Variants in STX11 observed in about 807,000 individuals in gnomAD.
STX11 encodes the protein syntaxin 11.
Under a neutral mutation model 19.9 loss-of-function variants are expected in STX11, and 21 were observed. The observed-to-expected ratio is 1.06, with a 90% CI of 0.75 to 1.52. The LOEUF is 1.52. Ranked by LOEUF, STX11 falls within the 40% of genes most tolerant of loss-of-function variation. STX11 has a pLI of 0.00. For missense variants in STX11, 438 were observed against 405.9 expected, an observed-to-expected ratio of 1.08 and a Z score of -0.68; for synonymous variants, 193 against 174.4, an observed-to-expected ratio of 1.11 and a Z score of -0.84.
At chr6:144,164,919 ACTC>A (rs568180939) in intron 1 of STX11, among the ~76,000 whole-genome samples, 85 of 150,472 alleles carry the variant, frequency 5.6e-4, no homozygotes, top group African/African-American at 1.9e-3. Flanking sequence ...CTAGTCTCAA[ACTC>A]CTGACCTCAG....
intron 1 of STX11, among the ~76,000 whole-genome samples, chr6:144,157,626 T>G (rs182362161): frequency 1.0e-3 from 155 of 152,196 alleles, no homozygotes; most frequent in African/African-American, 3.7e-3. Flanking sequence ...GACAAAGTAG[T>G]CTTAATCCTA....
upstream of STX11, among the ~76,000 whole-genome samples, chr6:144,150,313 C>T (rs1800961966): frequency 6.6e-6 from 1 of 152,248 alleles, no homozygotes; most frequent in African/African-American, 2.4e-5. Context: ...CCGCGCAGCC[C>T]GCGGGAACGC....
chr6:144,163,827 G>T (rs1562659423), intron 1 of STX11, among the ~76,000 whole-genome samples: 1 of 152,018 alleles, frequency 6.6e-6, no homozygotes, highest in Non-Finnish European at 1.5e-5. Context: ...ATGGCTTGTA[G>T]TCCCAGTACC....
chr6:144,165,880 T>A lies in STX11; in HGVS notation c.-6+15177T>A, dbSNP rs934328326. ...AGTAACCTTTGTGAGGTAAGTAGAG[T>A]TATTACCATTTTACAGATGAGGAAA... is the stretch of plus-strand genomic sequence containing the variant. On this transcript the variant is annotated intron_variant, in intron 1 of 1. Coordinates refer to ENST00000367568, the MANE Select transcript of STX11 (RefSeq NM_003764.4). This position sits in a 1 kb window ranked among gnomAD's most constrained non-coding sequence, Gnocchi z 5.8. Among the ~76,000 whole-genome samples, 5 of 152,096 alleles carry A rather than the reference T, an allele frequency of 3.3e-5. No homozygotes were observed. The highest frequency in any genetic ancestry group is 1.2e-4 in the African/African-American group (5 of 41,398).
In STX11 at chr6:144,153,812, G is replaced by A. The variant is rs1801066328; in HGVS notation, c.-6+3109G>A. Among the ~76,000 whole-genome samples the A allele has an allele frequency of 6.6e-6, 1 of 152,116 alleles. No homozygotes were observed. The highest frequency in any genetic ancestry group is 1.5e-5 in the Non-Finnish European group (1 of 68,028). Reference sequence around the variant, plus strand: ...TCGGGTGTGTGTAATGAGGAGGTAGGAGCAGTTGAGATGACTCCCATGTTT... The same window carrying A: ...TCGGGTGTGTGTAATGAGGAGGTAGAAGCAGTTGAGATGACTCCCATGTTT... On this transcript the variant is annotated intron_variant, in intron 1 of 1. Coordinates refer to ENST00000367568, the MANE Select transcript of STX11 (RefSeq NM_003764.4). The surrounding 1 kb of genome is among the most constrained non-coding windows in gnomAD (Gnocchi z 5.0).
chr6:144,161,990 G>A (rs138601844), intron 1 of STX11, among the ~76,000 whole-genome samples: 1 of 152,248 alleles, frequency 6.6e-6, no homozygotes, highest in African/African-American at 2.4e-5. Context: ...AGGTGAAGGA[G>A]GAGGGTTTGA....
chr6:144,141,760 C>A, the STX11 span, among the ~76,000 whole-genome samples: 1 of 152,120 alleles, frequency 6.6e-6, no homozygotes, highest in East Asian at 1.9e-4. Flanking sequence ...CTCACTGCAG[C>A]CTCGAATTAC....
chr6:144,187,414 G>C lies in STX11; in HGVS notation c.787G>C (p.Val263Leu). ...VDYTGQAKAQ[V>L]RKAVQYEEKN... ...CTACACCGGCCAGGCCAAGGCGCAG[G>C]TGCGGAAGGCCGTGCAGTACGAGGA... The change falls in exon 2 of 2, where the codon GTG (valine) becomes CTG (leucine). Residue 263 changes from valine to leucine, a missense_variant. By Grantham distance (32) the Val-to-Leu change is conservative (BLOSUM62 1). Coordinates refer to ENST00000367568, the MANE Select transcript of STX11 (RefSeq NM_003764.4). This position sits in a 1 kb window ranked among gnomAD's most constrained non-coding sequence, Gnocchi z 5.6. The C allele has an allele frequency of 1.2e-5, 19 of 1,611,698 alleles. No individual in the cohort carries two copies. Among genetic ancestry groups the C allele is most frequent in the Non-Finnish European group, 1.6e-5 (19 of 1,179,980 alleles).
In STX11 at chr6:144,186,660, G is replaced by A. The variant is rs748054509; in HGVS notation, c.33G>A (p.Leu11=). 11 of 1,614,064 alleles carry A rather than the reference G, an allele frequency of 6.8e-6. No individual in the cohort carries two copies. The East Asian group carries it at 2.0e-4, about 29-fold the overall frequency. Residue 11 remains leucine, a synonymous_variant, in exon 2 of 2, where the codon TTG becomes TTA. Coordinates refer to ENST00000367568, the MANE Select transcript of STX11 (RefSeq NM_003764.4). MKDRLAELLD[L]SKQYDQQFPD... is the part of the protein sequence containing the mutation. ...ACCGGCTAGCAGAACTTCTGGACTT[G>A]TCCAAGCAATATGACCAGCAGTTCC...
the STX11 span, among the ~76,000 whole-genome samples, chr6:144,142,890 C>T: frequency 6.6e-6 from 1 of 152,138 alleles, no homozygotes; most frequent in Admixed American, 6.5e-5. Flanking sequence ...TTCAAATTAG[C>T]TAAACTAGGG....
rs1210113958 is a variant in STX11 at position 144,151,769 on chromosome 6, T to C, written c.-6+1066T>C. ...TAAGTAACTCTCTAAAATCAAAATATTTCAGACAGTTTGTGTTTACTAAAT... is the reference window on the plus strand; with the variant it reads ...TAAGTAACTCTCTAAAATCAAAATACTTCAGACAGTTTGTGTTTACTAAAT... On this transcript the variant is annotated intron_variant, in intron 1 of 1. Transcript: ENST00000367568. This position sits in a 1 kb window ranked among gnomAD's most constrained non-coding sequence, Gnocchi z 4.6. Among the ~76,000 whole-genome samples the C allele has an allele frequency of 6.6e-6, 1 of 152,232 alleles. No individual in the cohort carries two copies. The highest frequency in any genetic ancestry group is 2.4e-5 in the African/African-American group (1 of 41,460).
chr6:144,183,695 C>T lies in STX11; in HGVS notation c.-5-2928C>T, dbSNP rs1801961889. 6.6e-6 allele frequency among the ~76,000 whole-genome samples: 1 copy of T among 152,102 alleles called. No homozygotes were observed. The highest frequency in any genetic ancestry group is 2.4e-5 in the African/African-American group (1 of 41,416). The stretch of plus-strand genomic sequence containing the variant: ...AGAAGCTGAGAGAGGTCTCAAGACC[C>T]TGAACAATAATACTGATTTTATTAT... On this transcript the variant is annotated intron_variant, in intron 1 of 1. Transcript: ENST00000367568. The surrounding 1 kb of genome is among the most constrained non-coding windows in gnomAD (Gnocchi z 4.6).
At chr6:144,173,329 A>G (rs775866046) in intron 1 of STX11, among the ~76,000 whole-genome samples, 7 of 152,202 alleles carry the variant, frequency 4.6e-5, no homozygotes, top group Non-Finnish European at 8.8e-5. Context: ...ACCTCTGTCT[A>G]CTTCAGGCTG....
rs188745478 is a variant in STX11 at position 144,191,685 on chromosome 6, C to A, written c.*4194C>A. 6.6e-6 allele frequency among the ~76,000 whole-genome samples: 1 copy of A among 152,146 alleles called. No individual in the cohort carries two copies. Among genetic ancestry groups the A allele is most frequent in the Non-Finnish European group, 1.5e-5 (1 of 68,028 alleles). ...GCAACTCATTCATTTGTAATCAAGA[C>A]GATAGTTTGAAACACCCAATTGTAA... is the stretch of plus-strand genomic sequence containing the variant. On this transcript the variant is annotated 3_prime_UTR_variant, in exon 2 of 2. Coordinates refer to ENST00000367568, the MANE Select transcript of STX11 (RefSeq NM_003764.4).
chr6:144,173,727 T>C (rs1177151457), intron 1 of STX11, among the ~76,000 whole-genome samples: 2 of 152,228 alleles, frequency 1.3e-5, no homozygotes, highest in African/African-American at 4.8e-5. Context: ...TGTTGCCAAG[T>C]GTTTGGCTGC....
In STX11 at chr6:144,156,024, C is replaced by CCTTCCTTCCTTCCT. The variant is rs1562655655; in HGVS notation, c.-6+5321_-6+5322insCTTCCTTCCTTCCT. Among the ~76,000 whole-genome samples the CCTTCCTTCCTTCCT allele has an allele frequency of 5.8e-4, 60 of 102,848 alleles. 2 individuals carry two copies. The highest frequency in any genetic ancestry group is 3.3e-3 in the African/African-American group (56 of 16,988). The allele number at this position is 102,848 out of a possible 152,430, so 67.5% of individuals were successfully genotyped here. ...TTTCTTTCTTTCTTTCTCTCTTTCT[C>CCTTCCTTCCTTCCT]TCCTTCCTTCCTTCCTTCCTTCCTT... On this transcript the variant is annotated intron_variant, in intron 1 of 1. Transcript: ENST00000367568.
At position 144,189,069 on chromosome 6, in the gene STX11, G is replaced by A. The variant is rs1421462056; in HGVS notation, c.*1578G>A. Among the ~76,000 whole-genome samples, 1 of 151,968 alleles carries A rather than the reference G, an allele frequency of 6.6e-6. No individual in the cohort carries two copies. Among genetic ancestry groups the A allele is most frequent in the African/African-American group, 2.4e-5 (1 of 41,330 alleles). ...GACAGGGTCTCCCTTTGTCACCCAG[G>A]CTGAAGTGCAGTGGCATAATCATGG... On this transcript the variant is annotated 3_prime_UTR_variant, in exon 2 of 2. Transcript: ENST00000367568.
the STX11 span, among the ~76,000 whole-genome samples, chr6:144,144,494 A>C: frequency 6.6e-6 from 1 of 152,232 alleles, no homozygotes; most frequent in Non-Finnish European, 1.5e-5. Context: ...AAGATGAGGC[A>C]GAGGTGGCTA....
In STX11 at chr6:144,170,047, G is replaced by A. The variant is rs1801588594; in HGVS notation, c.-5-16576G>A. ...TGGAACTTCAACAATTTATCTTTTT[G>A]TTTCTTCAGGTCATATAAGGTGGTC... On this transcript the variant is annotated intron_variant, in intron 1 of 1. Coordinates refer to ENST00000367568, the MANE Select transcript of STX11 (RefSeq NM_003764.4). This position sits in a 1 kb window ranked among gnomAD's most constrained non-coding sequence, Gnocchi z 4.7. 6.6e-6 allele frequency among the ~76,000 whole-genome samples: 1 copy of A among 152,032 alleles called. No individual in the cohort carries two copies. The highest frequency in any genetic ancestry group is 1.5e-5 in the Non-Finnish European group (1 of 67,998).
Sources: gnomAD v4.1 joint callset for allele counts (sites outside exome capture counted in the v4.1 genomes callset) on GRCh38, gnomAD v4.1.1 for gene constraint, Gnocchi (gnomAD v3.1) non-coding constraint, MANE v1.5 for transcripts, NCBI Gene and HGNC (gene_info 2026-07-23, HGNC 2026-07-21) for gene names.